PRIM2: variants seen among roughly 807,000 people sequenced by gnomAD.
PRIM2 encodes DNA primase subunit 2.
In PRIM2, 39 loss-of-function variants were observed where a neutral mutation model predicts 67.3. That is an observed-to-expected ratio of 0.58 (90% CI 0.45 to 0.76). The LOEUF is 0.76. PRIM2 is among the 30% of genes least tolerant of loss of function. PRIM2 has a pLI of 0.00. For synonymous variants in PRIM2, 143 were observed against 198.7 expected (o/e 0.72, Z 2.36); for missense variants, 398 against 598.7 (o/e 0.66, Z 3.50).
intron 7 of PRIM2, among the ~76,000 whole-genome samples, chr6:57,397,755 TG>T (rs1770566687): frequency 1.3e-5 from 2 of 152,128 alleles, no homozygotes; most frequent in African/African-American, 4.8e-5. Context: ...GTCTTTTGAA[TG>T]GTTTTTCATG....
chr6:57,274,550 G>T, the PRIM2 span, among the ~76,000 whole-genome samples: 1 of 152,218 alleles, frequency 6.6e-6, no homozygotes, highest in Non-Finnish European at 1.5e-5. Context: ...ACTAGGAAAG[G>T]GAATTCCCTG....
chr6:57,373,221 GT>G (rs1554331289), intron 5 of PRIM2, among the ~76,000 whole-genome samples: 5,176 of 144,780 alleles, frequency 0.036, 293 homozygotes, highest in African/African-American at 0.12. Context: ...CACTGACATT[GT>G]TTTTTTTTTC....
chr6:57,534,535 C>T (rs1774959604), intron 9 of PRIM2, among the ~76,000 whole-genome samples: 1 of 152,312 alleles, frequency 6.6e-6, no homozygotes, highest in African/African-American at 2.4e-5. Flanking sequence ...CTACTGCCCA[C>T]ACCTCTTAAG....
At chr6:57,453,143 A>G (rs1367501956) in intron 7 of PRIM2, among the ~76,000 whole-genome samples, 1 of 152,088 alleles carries the variant, frequency 6.6e-6, no homozygotes, top group Non-Finnish European at 1.5e-5. Context: ...CCATTAGTCT[A>G]TATCTCTGTT....
At chr6:57,317,370 A>C (rs763092745), upstream of PRIM2, among the ~76,000 whole-genome samples, 1 of 152,222 alleles carries the variant, frequency 6.6e-6, no homozygotes, top group Non-Finnish European at 1.5e-5. Flanking sequence ...AGTTTTCGCC[A>C]CTAGCATTCA....
chr6:57,567,504 G>A lies in PRIM2; in HGVS notation c.1020+29879G>A, dbSNP rs1479411312. 1.4e-3 allele frequency among the ~76,000 whole-genome samples: 212 copies of A among 152,210 alleles called. 5 individuals are homozygous for A. The East Asian group carries it at 0.019, about 14-fold the overall frequency. ...ATTTTTGACATGATATTTTCAACTTGTGATGGGTTTATCAGGACATAACCC... is the reference window on the plus strand; with the variant it reads ...ATTTTTGACATGATATTTTCAACTTATGATGGGTTTATCAGGACATAACCC... On this transcript the variant is annotated intron_variant, in intron 10 of 13. Transcript: ENST00000615550.
At chr6:57,370,761 C>T (rs1769525769) in intron 5 of PRIM2, among the ~76,000 whole-genome samples, 1 of 141,410 alleles carries the variant, frequency 7.1e-6, no homozygotes, top group Non-Finnish European at 1.5e-5. Context: ...GTGGTGCGAT[C>T]TCAGCTCACT....
At chr6:57,273,940 C>A in the PRIM2 span, among the ~76,000 whole-genome samples, 1 of 152,072 alleles carries the variant, frequency 6.6e-6, no homozygotes, top group South Asian at 2.1e-4. Context: ...TGCAGAACAG[C>A]GGATATTGGT....
chr6:57,338,443 G>C (rs1466185411), intron 5 of PRIM2, among the ~76,000 whole-genome samples: 1 of 151,346 alleles, frequency 6.6e-6, no homozygotes, highest in African/African-American at 2.4e-5. Context: ...GATGAACATT[G>C]ATGCAAAAAT....
chr6:57,580,469 A>G (rs1300690729), intron 10 of PRIM2, among the ~76,000 whole-genome samples: 2 of 152,246 alleles, frequency 1.3e-5, no homozygotes, highest in African/African-American at 4.8e-5. Flanking sequence ...TAAGGATATG[A>G]AAACTCAAAC....
At chr6:57,367,207 G>C (rs1769390431) in intron 5 of PRIM2, among the ~76,000 whole-genome samples, 2 of 152,046 alleles carry the variant, frequency 1.3e-5, no homozygotes, top group African/African-American at 4.8e-5. Flanking sequence ...AAAAATTTGT[G>C]AGTGAAGTAC....
At chr6:57,336,572 A>G (rs1394330126) in intron 5 of PRIM2, among the ~76,000 whole-genome samples, 4 of 152,178 alleles carry the variant, frequency 2.6e-5, no homozygotes, top group African/African-American at 7.2e-5. Context: ...CTTAAAGAAA[A>G]GAATTTTCAA....
intron 12 of PRIM2, among the ~76,000 whole-genome samples, chr6:57,608,672 C>T (rs1776604628): frequency 6.7e-6 from 1 of 150,168 alleles, no homozygotes; most frequent in South Asian, 2.1e-4. Flanking sequence ...ATGATCATGC[C>T]ACTGCACTCC....
intron 7 of PRIM2, among the ~76,000 whole-genome samples, chr6:57,424,617 A>G (rs1771561973): frequency 6.6e-6 from 1 of 152,250 alleles, no homozygotes; most frequent in African/African-American, 2.4e-5. Context: ...GGAGATTACC[A>G]TTAAATCAAA....
At chr6:57,414,378 A>G (rs572481647) in intron 7 of PRIM2, among the ~76,000 whole-genome samples, 96 of 152,310 alleles carry the variant, frequency 6.3e-4, no homozygotes, top group Middle Eastern at 3.4e-3. Context: ...TGAATGAACT[A>G]CTTAAAAGAG....
chr6:57,585,181 T>C (rs1776167004), intron 10 of PRIM2, among the ~76,000 whole-genome samples: 1 of 152,138 alleles, frequency 6.6e-6, no homozygotes, highest in Non-Finnish European at 1.5e-5. Context: ...GGAGGCAAAA[T>C]ATAAGTAATT....
the PRIM2 span, among the ~76,000 whole-genome samples, chr6:57,269,136 T>C: frequency 6.6e-6 from 1 of 152,092 alleles, no homozygotes; most frequent in Admixed American, 6.5e-5. Flanking sequence ...TACAGTCCTT[T>C]GGGTATATAC....
intron 5 of PRIM2, among the ~76,000 whole-genome samples, chr6:57,341,277 TG>T (rs1320401650): frequency 6.6e-6 from 1 of 152,110 alleles, no homozygotes; most frequent in East Asian, 1.9e-4. Context: ...AGAACGTCGG[TG>T]GAGGTTAGTA....
chr6:57,464,534 C>G (rs2397318), intron 7 of PRIM2, among the ~76,000 whole-genome samples: 1 of 152,136 alleles, frequency 6.6e-6, no homozygotes, highest in Non-Finnish European at 1.5e-5. Context: ...CTCGACCCCC[C>G]AGTGTGTTGA....
Sources: allele counts gnomAD v4.1 joint callset (sites outside exome capture counted in the v4.1 genomes callset), GRCh38; gene constraint gnomAD v4.1.1; transcripts MANE v1.5; gene names NCBI Gene and HGNC (gene_info 2026-07-23, HGNC 2026-07-21).